The following PLB1 variants were observed in gnomAD, a reference collection of about 807,000 sequenced individuals.
The protein encoded by PLB1 is phospholipase B1, membrane-associated.
In PLB1, 242 loss-of-function variants were observed where a neutral mutation model predicts 227.4. That is an observed-to-expected ratio of 1.06 (90% CI 0.96 to 1.18). The LOEUF (loss-of-function observed/expected upper bound fraction) is 1.18. PLB1 is among the 50% of genes most tolerant of loss of function. The pLI is 0.00. For synonymous variants in PLB1, 757 were observed against 682.2 expected (o/e 1.11, Z -1.71); for missense variants, 1,858 against 1,816.3 (o/e 1.02, Z -0.42).
chr2:28,609,801 CTATCTAATCGGATTCT>C (rs1685187560), intron 43 of PLB1, among the ~76,000 whole-genome samples: 1 of 152,194 alleles, frequency 6.6e-6, no homozygotes, highest in Non-Finnish European at 1.5e-5. Context: ...GTCAGGGACC[CTATCTAATCGGATTCT>C]TACCAGTCCT....
chr2:28,564,336 C>G (rs1217387013), intron 18 of PLB1, among the ~76,000 whole-genome samples: 1 of 152,196 alleles, frequency 6.6e-6, no homozygotes, highest in African/African-American at 2.4e-5. Context: ...AATCAGGGAT[C>G]CTGACCCTAA....
In PLB1 at chr2:28,604,047, G is replaced by T. The variant is rs867003085; in HGVS notation, c.2856G>T (p.Arg952=). Residue 952 remains arginine (R), a splice_region_variant and synonymous_variant, in exon 40 of 58, where the codon CGG becomes CGT. Coordinates refer to ENST00000327757, the MANE Select transcript of PLB1 (RefSeq NM_153021.5). ...TGGAGGCCTTCAGCCGAGCCTACCGGGTAAGACCAAGAAGGGCACCATGCT... is the reference window on the plus strand; with the variant it reads ...TGGAGGCCTTCAGCCGAGCCTACCGTGTAAGACCAAGAAGGGCACCATGCT... ...ARLEAFSRAY[R]SSMRELVGSG... 1 of 1,612,728 alleles carries T rather than the reference G, an allele frequency of 6.2e-7. No individual in the cohort carries two copies. The highest frequency in any genetic ancestry group is 1.7e-5 in the Admixed American group (1 of 60,028).
chr2:28,529,395 A>T lies in PLB1; in HGVS notation c.404A>T (p.His135Leu), dbSNP rs535925537. 1.9e-6 allele frequency: 3 copies of T among 1,601,980 alleles called. No homozygotes were observed. The East Asian group carries it at 6.7e-5, about 36-fold the overall frequency. ...VCHTGKRVIPHDGAEDLWIQA... is the reference protein window; with the variant it reads ...VCHTGKRVIPLDGAEDLWIQA... ...CACACTGGAAAGAGAGTCATACCCC[A>T]CGATGGTGCTGAGTAAGTTCCCTTT... Residue 135 changes from histidine (H) to leucine (L), a missense_variant, in exon 7 of 58, where the codon CAC (histidine) becomes CTC (leucine). Coordinates refer to ENST00000327757, the MANE Select transcript of PLB1 (RefSeq NM_153021.5).
At chr2:28,595,092 A>C (rs944794065) in intron 33 of PLB1, 2 of 152,206 alleles carry the variant, frequency 1.3e-5, no homozygotes, top group Non-Finnish European at 2.9e-5. Context: ...ACTTTAAAAC[A>C]GATCGACCAG....
intron 29 of PLB1, 147 bp downstream of exon 29, chr2:28,590,223 GGT>G: frequency 1.4e-6 from 1 of 728,390 alleles, no homozygotes; most frequent in South Asian, 1.7e-5. Context: ...TGCCCCATCT[GGT>G]TGTACTGAGA....
At position 28,579,638 on chromosome 2, in the gene PLB1, T is replaced by C. The variant is rs779613548; in HGVS notation, c.1497T>C (p.Phe499=). 1.2e-6 allele frequency: 2 copies of C among 1,612,156 alleles called. No homozygotes were observed. The highest frequency in any genetic ancestry group is 1.7e-4 in the Middle Eastern group (1 of 6,052). The change falls in exon 23 of 58, where the codon TTT becomes TTC. Residue 499 remains phenylalanine (F), a synonymous_variant. Coordinates refer to ENST00000327757, the MANE Select transcript of PLB1 (RefSeq NM_153021.5). ...DLMKNDTRIH[F]QEDWKIITLF... ...TCTATTCATTTCAGAGGATACACTTTCAGGAAGACTGGAAGATAATAACCC... is the reference window on the plus strand; with the variant it reads ...TCTATTCATTTCAGAGGATACACTTCCAGGAAGACTGGAAGATAATAACCC...
intron 26 of PLB1, among the ~76,000 whole-genome samples, chr2:28,586,265 C>T (rs919227824): frequency 6.6e-6 from 1 of 152,184 alleles, no homozygotes; most frequent in Admixed American, 6.5e-5. Flanking sequence ...AGTCCTCCCT[C>T]CCTTGAGGCT....
chr2:28,619,022 A>G (rs2148324566), intron 46 of PLB1, among the ~76,000 whole-genome samples: 1 of 152,364 alleles, frequency 6.6e-6, no homozygotes, highest in Non-Finnish European at 1.5e-5. Context: ...CATAGATGAC[A>G]TATAGGACTT....
At chr2:28,545,108 A>G (rs572990523) in intron 14 of PLB1, among the ~76,000 whole-genome samples, 3 of 152,316 alleles carry the variant, frequency 2.0e-5, no homozygotes, top group Non-Finnish European at 4.4e-5. Context: ...GAGCACGTAC[A>G]CAGGAATGGA....
intron 37 of PLB1, 144 bp downstream of exon 37, chr2:28,601,476 CA>C: frequency 1.5e-6 from 1 of 646,838 alleles, no homozygotes. Context: ...ATACCACACA[CA>C]CACACACACA....
intron 6 of PLB1, among the ~76,000 whole-genome samples, chr2:28,528,491 G>A (rs548727834): frequency 7.9e-5 from 12 of 152,318 alleles, no homozygotes; most frequent in African/African-American, 2.9e-4. Context: ...TCAGGAGAAG[G>A]GAGGGGGGCT....
chr2:28,598,104 GGCTTCCCGA>G, intron 34 of PLB1, 56 bp downstream of exon 34: 9 of 1,494,328 alleles, frequency 6.0e-6, no homozygotes, highest in Non-Finnish European at 8.2e-6. Context: ...CTGGCCCCTT[GGCTTCCCGA>G]AAGTGCCTCC....
At chr2:28,505,211 C>T (rs1170153979) in intron 1 of PLB1, among the ~76,000 whole-genome samples, 1 of 152,178 alleles carries the variant, frequency 6.6e-6, no homozygotes, top group African/African-American at 2.4e-5. Flanking sequence ...CTAATTAGTA[C>T]AGGAAGCTGA....
At chr2:28,621,469 T>G (rs529304322) in intron 49 of PLB1, among the ~76,000 whole-genome samples, 1 of 152,350 alleles carries the variant, frequency 6.6e-6, no homozygotes, top group East Asian at 1.9e-4. Context: ...AGCTATATTC[T>G]GACACTAGGG....
At chr2:28,515,595 T>C (rs1668751440) in intron 1 of PLB1, among the ~76,000 whole-genome samples, 1 of 152,236 alleles carries the variant, frequency 6.6e-6, no homozygotes, top group Admixed American at 6.5e-5. Context: ...AATGGACATA[T>C]ACTGTTGTTC....
chr2:28,509,170 GCACTC>G (rs1482025279), intron 1 of PLB1, among the ~76,000 whole-genome samples: 1 of 152,178 alleles, frequency 6.6e-6, no homozygotes, highest in African/African-American at 2.4e-5. Context: ...CTAGAAAATT[GCACTC>G]CAGACACATC....
chr2:28,620,313 T>A lies in PLB1; in HGVS notation c.3364T>A (p.Trp1122Arg). Reference protein sequence around the residue: ...PNNSSDLPTSWRGLSWSIGGD... With the variant: ...PNNSSDLPTSRRGLSWSIGGD... ...CAACTCCAGTGACCTACCCACATCT[T>A]GGAGGGGACTCTCTTGGAGGTGAGG... The change falls in exon 47 of 58, where the codon TGG becomes AGG. Residue 1122 changes from tryptophan (W) to arginine (R), a missense_variant. Physicochemically the swap from Trp to Arg is moderately radical, Grantham distance 101. Coordinates refer to ENST00000327757, the MANE Select transcript of PLB1 (RefSeq NM_153021.5). 6.2e-7 allele frequency: 1 copy of A among 1,605,236 alleles called. No individual in the cohort carries two copies. Among genetic ancestry groups the A allele is most frequent in the Middle Eastern group, 1.7e-4 (1 of 6,020 alleles).
intron 21 of PLB1, among the ~76,000 whole-genome samples, chr2:28,573,644 C>T (rs1678398508): frequency 1.3e-5 from 2 of 152,354 alleles, no homozygotes; most frequent in South Asian, 4.1e-4. Flanking sequence ...GTTTCAGAGT[C>T]CTGCTCTCCC....
At chr2:28,549,027 A>T (rs373686954) in intron 15 of PLB1, 96 bp downstream of exon 15, 74 of 1,062,176 alleles carry the variant, frequency 7.0e-5, no homozygotes, top group South Asian at 4.1e-4. Flanking sequence ...CTTACCTGAG[A>T]TGTGAATCCT....
Sources: gnomAD v4.1 joint callset for allele counts (sites outside exome capture counted in the v4.1 genomes callset) on GRCh38, gnomAD v4.1.1 for gene constraint, MANE v1.5 for transcripts, NCBI Gene and HGNC (gene_info 2026-07-23, HGNC 2026-07-21) for gene names.